ROBO2: variants seen among roughly 807,000 people sequenced by gnomAD.
The protein encoded by ROBO2 is roundabout guidance receptor 2, also known as roundabout homolog 2.
A neutral mutation model predicts 160.8 loss-of-function variants in ROBO2; 53 were observed. The observed-to-expected ratio is 0.33, with a 90% CI of 0.26 to 0.41. The LOEUF (loss-of-function observed/expected upper bound fraction) is 0.41, where lower values mean the gene tolerates loss of function less well. Among genes scored for constraint, ROBO2 ranks in the 10% least tolerant of loss-of-function variants. The pLI is 1.00. For synonymous variants in ROBO2, 664 were observed against 611.7 expected (o/e 1.09, Z -1.26); for missense variants, 1,577 against 1,722.4 (o/e 0.92, Z 1.49).
chr3:76,133,542 G>A lies in ROBO2; in HGVS notation c.109+195940G>A, dbSNP rs548089446. On this transcript the variant is annotated intron_variant, in intron 2 of 26. Transcript: ENST00000487694. ...TCCCACAACAGGCCGTCTGCAAGCT[G>A]AGGAGCCAGGAAGCCAGTCTGAGTC... 7.2e-5 allele frequency among the ~76,000 whole-genome samples: 11 copies of A among 152,166 alleles called. No individual in the cohort carries two copies. In the South Asian group the frequency reaches 2.3e-3, roughly 32 times the overall value.
chr3:77,185,253 A>T (rs571637232), intron 2 of ROBO2, among the ~76,000 whole-genome samples: 1 of 151,994 alleles, frequency 6.6e-6, no homozygotes, highest in Non-Finnish European at 1.5e-5. Context: ...TTAGATTCAG[A>T]TATAGATAAA....
intron 2 of ROBO2, among the ~76,000 whole-genome samples, chr3:76,067,890 T>C (rs1471054385): frequency 6.6e-6 from 1 of 152,196 alleles, no homozygotes; most frequent in East Asian, 1.9e-4. Flanking sequence ...TAATATGTGA[T>C]AGATAGTAAT....
chr3:76,844,494 C>CA (rs1488174909), intron 2 of ROBO2, among the ~76,000 whole-genome samples: 12 of 151,368 alleles, frequency 7.9e-5, no homozygotes, highest in South Asian at 4.2e-4. Flanking sequence ...AATAGTATTT[C>CA]AAAAAAAATG....
intron 2 of ROBO2, among the ~76,000 whole-genome samples, chr3:76,314,732 A>G (rs1277557439): frequency 6.6e-6 from 1 of 152,160 alleles, no homozygotes; most frequent in Non-Finnish European, 1.5e-5. Flanking sequence ...AGAATACAGT[A>G]TATAATACAT....
intron 2 of ROBO2, among the ~76,000 whole-genome samples, chr3:76,301,700 C>T (rs1330526160): frequency 6.6e-6 from 1 of 152,032 alleles, no homozygotes; most frequent in Non-Finnish European, 1.5e-5. Flanking sequence ...CTGCTAGTTT[C>T]CCCCCAAAAT....
chr3:77,124,402 G>A lies in ROBO2; in HGVS notation c.388+26062G>A, dbSNP rs559006932. 7.2e-5 allele frequency among the ~76,000 whole-genome samples: 11 copies of A among 152,224 alleles called. No homozygotes were observed. The South Asian group carries it at 2.3e-3, about 32-fold the overall frequency. On this transcript the variant is annotated intron_variant, in intron 2 of 25. Coordinates refer to ENST00000461745, the Ensembl canonical transcript of ROBO2. ...TGAGAAGACCCATGTGATAGGAGTA[G>A]AGTTTATATTACTGATTCATGAGGA...
At chr3:76,014,613 A>T (rs999795950) in intron 2 of ROBO2, among the ~76,000 whole-genome samples, 2 of 151,822 alleles carry the variant, frequency 1.3e-5, no homozygotes. Flanking sequence ...TATGCATGTA[A>T]TCCCAGAAGT....
At chr3:76,938,368 A>C (rs12495511) in intron 2 of ROBO2, among the ~76,000 whole-genome samples, 63,867 of 139,480 alleles carry the variant, frequency 0.46, 14,435 homozygotes, top group African/African-American at 0.54. Context: ...TACCCCCCCC[A>C]AAAAAGGCTG....
chr3:76,305,445 A>C (rs1442060849), intron 2 of ROBO2, among the ~76,000 whole-genome samples: 4 of 146,644 alleles, frequency 2.7e-5, no homozygotes, highest in Non-Finnish European at 4.5e-5. Flanking sequence ...TGTTCTGACT[A>C]TACTTACATA....
intron 2 of ROBO2, among the ~76,000 whole-genome samples, chr3:76,904,558 G>A (rs1438067620): frequency 6.6e-6 from 1 of 152,128 alleles, no homozygotes; most frequent in Non-Finnish European, 1.5e-5. Flanking sequence ...TCTCTTCAGT[G>A]AGAGAACTAA....
At chr3:76,770,977 A>G (rs1200032364) in intron 2 of ROBO2, among the ~76,000 whole-genome samples, 1 of 151,316 alleles carries the variant, frequency 6.6e-6, no homozygotes, top group Non-Finnish European at 1.5e-5. Context: ...ATGTTTTCAC[A>G]TTTGAGAGGG....
intron 2 of ROBO2, among the ~76,000 whole-genome samples, chr3:76,006,393 A>G (rs1454733256): frequency 6.6e-6 from 1 of 152,150 alleles, no homozygotes; most frequent in African/African-American, 2.4e-5. Flanking sequence ...TTAGCCTTAA[A>G]TCACTCACTT....
intron 2 of ROBO2, among the ~76,000 whole-genome samples, chr3:77,009,586 C>A (rs372100971): frequency 6.6e-6 from 1 of 151,892 alleles, no homozygotes; most frequent in Non-Finnish European, 1.5e-5. Flanking sequence ...TGTTTAGTTG[C>A]CAAAGCCCAA....
chr3:76,686,594 C>T (rs1198132429), intron 2 of ROBO2, among the ~76,000 whole-genome samples: 1 of 152,014 alleles, frequency 6.6e-6, no homozygotes, highest in Non-Finnish European at 1.5e-5. Context: ...TGCAATACCC[C>T]ATTTGTTCTC....
chr3:75,938,999 T>A (rs1947917873), intron 2 of ROBO2, among the ~76,000 whole-genome samples: 4 of 152,176 alleles, frequency 2.6e-5, no homozygotes, highest in African/African-American at 9.6e-5. Flanking sequence ...TGGGTTTCTG[T>A]GGCTGTAAGA....
chr3:76,689,411 C>T (rs1166452592), intron 2 of ROBO2, among the ~76,000 whole-genome samples: 2 of 152,054 alleles, frequency 1.3e-5, no homozygotes, highest in Admixed American at 1.3e-4. Flanking sequence ...CAGACTTCTC[C>T]AATCCACTTT....
intron 1 of ROBO2, among the ~76,000 whole-genome samples, chr3:77,097,376 C>T (rs1322910851): frequency 6.6e-6 from 1 of 151,948 alleles, no homozygotes; most frequent in Non-Finnish European, 1.5e-5. Flanking sequence ...GCCTATAGTG[C>T]ATTTCTTATA....
At chr3:77,516,792 T>A (rs2090065073) in intron 5 of ROBO2, among the ~76,000 whole-genome samples, 1 of 151,626 alleles carries the variant, frequency 6.6e-6, no homozygotes, top group Non-Finnish European at 1.5e-5. Flanking sequence ...ACAACATTAC[T>A]ATGCTTCTTG....
intron 2 of ROBO2, among the ~76,000 whole-genome samples, chr3:76,183,791 T>A (rs1430125495): frequency 2.0e-5 from 3 of 152,126 alleles, no homozygotes; most frequent in African/African-American, 7.2e-5. Context: ...AATAAAGTTC[T>A]TAGAGGCTAA....
Sources: allele counts gnomAD v4.1 joint callset (sites outside exome capture counted in the v4.1 genomes callset), GRCh38; gene constraint gnomAD v4.1.1; transcripts MANE v1.5; gene names NCBI Gene and HGNC (gene_info 2026-07-23, HGNC 2026-07-21).